GREB1: variants seen among roughly 807,000 people sequenced by gnomAD.
The protein encoded by GREB1 is growth regulating estrogen receptor binding 1.
A neutral mutation model predicts 200.7 loss-of-function variants in GREB1; 106 were observed. The observed-to-expected ratio is 0.53, with a 90% confidence interval of 0.45 to 0.62. The LOEUF (loss-of-function observed/expected upper bound fraction) is 0.62. Ranked by LOEUF, GREB1 falls within the 20% of genes least tolerant of loss-of-function variation. The pLI, the probability that GREB1 is intolerant of heterozygous loss-of-function variation, is 0.00. For missense variants in GREB1, 2,243 were observed against 2,556.8 expected (o/e 0.88, Z 2.65); for synonymous variants, 1,132 against 1,092.4 (o/e 1.04, Z -0.72).
chr2:11,592,163 A>T, intron 10 of GREB1: 1 of 907,030 alleles, frequency 1.1e-6, no homozygotes, highest in Non-Finnish European at 1.3e-6. Context: ...AGCTATGGGA[A>T]TTTGGCTTCC....
At chr2:11,588,670 C>A in intron 9 of GREB1, 76 bp from the exon 10 acceptor site, 1 of 1,338,874 alleles carries the variant, frequency 7.5e-7, no homozygotes, top group Non-Finnish European at 1.1e-6. Context: ...GTGCCCTCAC[C>A]CCCAGAGAAC....
At chr2:11,540,851 T>C (rs1674681461) in intron 1 of GREB1, among the ~76,000 whole-genome samples, 1 of 152,238 alleles carries the variant, frequency 6.6e-6, no homozygotes, top group African/African-American at 2.4e-5. Context: ...ATTGCCACAT[T>C]ACTGGAGCAC....
At chr2:11,561,930 A>G (rs570000338) in intron 2 of GREB1, among the ~76,000 whole-genome samples, 1 of 152,330 alleles carries the variant, frequency 6.6e-6, no homozygotes, top group East Asian at 1.9e-4. Flanking sequence ...CTGCTAGCAC[A>G]TAGTTGAATA....
chr2:11,626,742 G>T (rs1684491522), intron 24 of GREB1, among the ~76,000 whole-genome samples: 1 of 152,204 alleles, frequency 6.6e-6, no homozygotes, highest in South Asian at 2.1e-4. Context: ...GATATGGACA[G>T]TGCCTTAATT....
intron 18 of GREB1, among the ~76,000 whole-genome samples, chr2:11,611,658 C>A (rs752244153): frequency 6.6e-6 from 1 of 152,170 alleles, no homozygotes; most frequent in Non-Finnish European, 1.5e-5. Flanking sequence ...CCCTCCCCCT[C>A]TGCCATGCCC....
intron 2 of GREB1, among the ~76,000 whole-genome samples, chr2:11,558,989 T>G (rs938295981): frequency 6.6e-6 from 1 of 152,136 alleles, no homozygotes; most frequent in Non-Finnish European, 1.5e-5. Context: ...AAAAGAGAGA[T>G]CAACAAAACA....
chr2:11,631,690 G>T lies in GREB1; in HGVS notation c.4612-219G>T, dbSNP rs546197027. ...CTTGTGCATGGGAGAGTTCTGAGAG[G>T]GTGTGGAACATGTAAGTCCTCTTGA... On this transcript the variant is annotated intron_variant, in intron 26 of 32. Transcript: ENST00000381486. Among the ~76,000 whole-genome samples the T allele has an allele frequency of 5.3e-5, 8 of 152,272 alleles. No homozygotes were observed. In the South Asian group the frequency reaches 1.5e-3, roughly 28 times the overall value.
chr2:11,529,324 CAGAT>C (rs1324024395), upstream of GREB1, among the ~76,000 whole-genome samples: 3 of 152,182 alleles, frequency 2.0e-5, no homozygotes, highest in African/African-American at 7.2e-5. Flanking sequence ...AAACGAGAAA[CAGAT>C]AGTTAATACC....
At chr2:11,509,306 G>A (rs988252308) in intron 1 of GREB1, among the ~76,000 whole-genome samples, 14 of 151,932 alleles carry the variant, frequency 9.2e-5, no homozygotes, top group Admixed American at 8.5e-4. Context: ...ATATTTTTAT[G>A]AGCCCCCATA....
intron 7 of GREB1, among the ~76,000 whole-genome samples, chr2:11,581,815 C>T (rs1298290738): frequency 6.6e-6 from 1 of 152,224 alleles, no homozygotes; most frequent in Non-Finnish European, 1.5e-5. Flanking sequence ...CAAGGCAGGT[C>T]TCCATGCTCC....
chr2:11,635,877 A>C (rs1558673522), intron 30 of GREB1, among the ~76,000 whole-genome samples: 1 of 152,204 alleles, frequency 6.6e-6, no homozygotes, highest in African/African-American at 2.4e-5. Flanking sequence ...GTAAAATCAC[A>C]GCAAGTCTTG....
At chr2:11,542,247 G>A (rs1321591179) in intron 1 of GREB1, among the ~76,000 whole-genome samples, 2 of 152,312 alleles carry the variant, frequency 1.3e-5, no homozygotes, top group South Asian at 2.1e-4. Context: ...GCTTCTCACA[G>A]GGCAGGCATA....
At chr2:11,618,179 CAGGT>C in intron 21 of GREB1, 105 bp from the exon 22 acceptor site, 1 of 914,286 alleles carries the variant, frequency 1.1e-6, no homozygotes, top group Non-Finnish European at 1.6e-6. Context: ...ACTCCTGGGA[CAGGT>C]CACTCCTGGG....
At chr2:11,562,931 C>T (rs1041272996) in intron 3 of GREB1, 1 of 180,456 alleles carries the variant, frequency 5.5e-6, no homozygotes, top group Admixed American at 6.0e-5. Context: ...CCTGTTTGCA[C>T]AGCATATTGA....
At chr2:11,510,688 ATTTTT>A (rs56901979) in intron 1 of GREB1, among the ~76,000 whole-genome samples, 1 of 102,258 alleles carries the variant, frequency 9.8e-6, no homozygotes, top group Non-Finnish European at 2.1e-5. Flanking sequence ...GAACATATGG[ATTTTT>A]TTTTTTTTTT....
At chr2:11,602,598 G>A (rs1681881524) in intron 17 of GREB1, 56 bp downstream of exon 17, 3 of 1,519,952 alleles carry the variant, frequency 2.0e-6, no homozygotes, top group African/African-American at 1.4e-5. Flanking sequence ...AGGGCAAGTT[G>A]AGGTGCGTTT....
intron 3 of GREB1, chr2:11,563,041 C>T (rs1446563693): frequency 1.3e-5 from 2 of 152,130 alleles, no homozygotes; most frequent in Non-Finnish European, 2.9e-5. Context: ...GGTGCAATCT[C>T]AGATCACTGC....
intron 21 of GREB1, among the ~76,000 whole-genome samples, chr2:11,617,883 C>T (rs1683569620): frequency 6.6e-6 from 1 of 152,142 alleles, no homozygotes; most frequent in South Asian, 2.1e-4. Flanking sequence ...TGCGCCTGTG[C>T]ACAGCAGTGA....
chr2:11,542,080 T>C (rs1458357804), intron 1 of GREB1, among the ~76,000 whole-genome samples: 1 of 152,128 alleles, frequency 6.6e-6, no homozygotes, highest in Non-Finnish European at 1.5e-5. Context: ...TTCCTGTGTC[T>C]CGGTGAGGTT....
Sources: allele counts gnomAD v4.1 joint callset (sites outside exome capture counted in the v4.1 genomes callset), GRCh38; gene constraint gnomAD v4.1.1; transcripts MANE v1.5; gene names NCBI Gene and HGNC (gene_info 2026-07-23, HGNC 2026-07-21).